CDCA5: variants seen among roughly 807,000 people sequenced by gnomAD.
CDCA5 encodes the protein cell division cycle associated 5, also known as sororin.
Under a neutral mutation model 25.7 loss-of-function variants are expected in CDCA5, and 14 were observed. The observed-to-expected ratio is 0.54, with a 90% confidence interval of 0.36 to 0.85. The LOEUF is 0.85. CDCA5 is among the 40% of genes least tolerant of loss of function. CDCA5 has a pLI of 0.01. For missense variants in CDCA5, 307 were observed against 324.5 expected (o/e 0.95, Z 0.41); for synonymous variants, 127 against 128.7 (o/e 0.99, Z 0.09).
rs1947517841 is a variant in CDCA5, at chr11:65,079,523, C to G, written c.508G>C (p.Gly170Arg). Residue 170 changes from glycine (G) to arginine (R), a missense_variant, in exon 5 of 6, where the codon GGG becomes CGG. Transcript: ENST00000275517. ...GACAAGTCTTCTGCCCCCAGCAGCC[C>G]CTCGAAGCCAAAGCAGGACCGGCGG... ...PGRRSCFGFE[G>R]LLGAEDLSGV... 6.2e-7 allele frequency: 1 copy of G among 1,614,164 alleles called. No homozygotes were observed. Among genetic ancestry groups the G allele is most frequent in the African/African-American group, 1.3e-5 (1 of 75,040 alleles).
At chr11:65,072,886 T>C (rs1184758227), downstream of CDCA5, among the ~76,000 whole-genome samples, 2 of 151,870 alleles carry the variant, frequency 1.3e-5, no homozygotes, top group African/African-American at 2.4e-5. Context: ...ACTTGAAAAT[T>C]GTTCATTGAG....
chr11:65,083,997 A>G lies in CDCA5; in HGVS notation c.-19T>C, dbSNP rs1452076570. Reference sequence around the variant, plus strand: ...CAGACATAACTTAGGCTCCGTCTCGAGCTCCTCCAGCGCCGCCGCCCCGGG... The same window carrying G: ...CAGACATAACTTAGGCTCCGTCTCGGGCTCCTCCAGCGCCGCCGCCCCGGG... On this transcript the variant is annotated 5_prime_UTR_variant, in exon 1 of 6. Coordinates refer to ENST00000275517, the MANE Select transcript of CDCA5 (RefSeq NM_080668.4). 3 of 1,606,272 alleles carry G rather than the reference A, an allele frequency of 1.9e-6. No individual in the cohort carries two copies. Among genetic ancestry groups the G allele is most frequent in the South Asian group, 1.1e-5 (1 of 90,840 alleles).
At chr11:65,072,155 T>A (rs1947353712) in intron 1 of CDCA5, among the ~76,000 whole-genome samples, 1 of 152,300 alleles carries the variant, frequency 6.6e-6, no homozygotes, top group Middle Eastern at 3.4e-3. Flanking sequence ...GTTAGAGAGA[T>A]GGAATTGGCC....
Position 65,078,451 on chromosome 11 carries a change from G to A in CDCA5, c.*656C>T. ...CAGCAGACCAGAACTAGAAAACACA[G>A]CTTCTGTGTAGTACACACTTATGGT... On this transcript the variant is annotated 3_prime_UTR_variant, in exon 6 of 6. Coordinates refer to ENST00000275517, the MANE Select transcript of CDCA5 (RefSeq NM_080668.4). 1 of 985,596 alleles carries A rather than the reference G, an allele frequency of 1.0e-6. No homozygotes were observed. Among genetic ancestry groups the A allele is most frequent in the Non-Finnish European group, 1.2e-6 (1 of 830,002 alleles). The allele number at this position is 985,596 out of a possible 1,614,324, so 61.1% of individuals were successfully genotyped here.
chr11:65,080,999 G>A (rs1947553430), intron 4 of CDCA5, among the ~76,000 whole-genome samples: 1 of 152,164 alleles, frequency 6.6e-6, no homozygotes, highest in Non-Finnish European at 1.5e-5. Context: ...GTGACTCATG[G>A]CCAAGTTCTA....
At chr11:65,073,088 G>A (rs1401653838), downstream of CDCA5, among the ~76,000 whole-genome samples, 1 of 151,588 alleles carries the variant, frequency 6.6e-6, no homozygotes, top group Non-Finnish European at 1.5e-5. Flanking sequence ...GGGATTACAG[G>A]TGCCCGCCAC....
chr11:65,082,147 C>T (rs1178522860), intron 4 of CDCA5, among the ~76,000 whole-genome samples: 5 of 152,140 alleles, frequency 3.3e-5, no homozygotes, highest in Non-Finnish European at 7.4e-5. Flanking sequence ...GTCTTGGAGC[C>T]CCAGGGTAGC....
At chr11:65,081,961 A>T (rs1314643342) in intron 4 of CDCA5, among the ~76,000 whole-genome samples, 2 of 152,200 alleles carry the variant, frequency 1.3e-5, no homozygotes, top group Non-Finnish European at 2.9e-5. Flanking sequence ...TATCTTTAGA[A>T]CTGGTAAGGC....
chr11:65,064,093 G>A (rs1479336911), downstream of CDCA5, among the ~76,000 whole-genome samples: 7 of 152,060 alleles, frequency 4.6e-5, no homozygotes, highest in African/African-American at 2.4e-5. Context: ...AACCTTATTC[G>A]AGCGCTGTCC....
intron 1 of CDCA5, among the ~76,000 whole-genome samples, chr11:65,070,391 G>C (rs955451073): frequency 1.3e-5 from 2 of 152,206 alleles, no homozygotes; most frequent in Non-Finnish European, 2.9e-5. Flanking sequence ...CGGTGGTATG[G>C]GCTGGGTACC....
chr11:65,073,578 G>C (rs1947382771), downstream of CDCA5, among the ~76,000 whole-genome samples: 1 of 152,222 alleles, frequency 6.6e-6, no homozygotes, highest in Admixed American at 6.5e-5. Flanking sequence ...GCAGCTCGCA[G>C]CCTGCGGTGG....
downstream of CDCA5, among the ~76,000 whole-genome samples, chr11:65,072,935 A>ATTTTTTTTTTTTTTTTTTTTTT (rs1242662667): frequency 7.9e-6 from 1 of 127,156 alleles, no homozygotes; most frequent in African/African-American, 3.0e-5. Flanking sequence ...GTATTATTTC[A>ATTTTTTTTTTTTTTTTTTTTTT]TTCTTTTTTT....
In CDCA5 at chr11:65,078,070, A is replaced by G. The variant is rs1947481773; in HGVS notation, c.*1037T>C. On this transcript the variant is annotated 3_prime_UTR_variant, in exon 6 of 6. Coordinates refer to ENST00000275517, the MANE Select transcript of CDCA5 (RefSeq NM_080668.4). ...TCTCATGTGAGAGGATAGGGAGGCC[A>G]AAAACTAAAATTGCTATCAGCCCCC... 3 of 985,456 alleles carry G rather than the reference A, an allele frequency of 3.0e-6. No homozygotes were observed. The highest frequency in any genetic ancestry group is 9.4e-5 in the South Asian group (2 of 21,290). The allele number at this position is 985,456 out of a possible 1,614,324, so 61.0% of individuals were successfully genotyped here.
chr11:65,070,299 T>A (rs529943509), intron 1 of CDCA5, among the ~76,000 whole-genome samples: 1 of 152,312 alleles, frequency 6.6e-6, no homozygotes, highest in East Asian at 1.9e-4. Context: ...CACCAACTGC[T>A]GCATGTGACA....
intron 1 of CDCA5, among the ~76,000 whole-genome samples, chr11:65,070,859 T>C (rs1054793800): frequency 1.3e-5 from 2 of 152,168 alleles, no homozygotes; most frequent in Non-Finnish European, 2.9e-5. Context: ...TTTGGAATAT[T>C]AGCATTATCT....
At chr11:65,070,021 C>T (rs1321526519) in intron 1 of CDCA5, among the ~76,000 whole-genome samples, 2 of 152,192 alleles carry the variant, frequency 1.3e-5, no homozygotes, top group African/African-American at 4.8e-5. Context: ...TTCGGAGCTC[C>T]AGAGAGACTG....
rs557931801 is a variant in CDCA5, at chr11:65,084,029, C to T, written c.-51G>A. On this transcript the variant is annotated 5_prime_UTR_variant, in exon 1 of 6. Transcript: ENST00000275517. The stretch of plus-strand genomic sequence containing the variant: ...CCAGCGCCGCCGCCCCGGGCGCGCG[C>T]CAACCGGGAAGGCCACTCGCTGCAA... 6 of 1,579,706 alleles carry T rather than the reference C, an allele frequency of 3.8e-6. No homozygotes were observed. The African/African-American group carries it at 8.2e-5, about 21-fold the overall frequency.
chr11:65,066,874 C>T (rs1239136752), exon 5 of CDCA5: 58 of 1,289,194 alleles, frequency 4.5e-5, no homozygotes, highest in East Asian at 5.5e-5. Context: ...CAGTGACTCC[C>T]GAAGCCTAGG....
At chr11:65,075,193 TAG>T (rs1947420160), downstream of CDCA5, among the ~76,000 whole-genome samples, 1 of 151,476 alleles carries the variant, frequency 6.6e-6, no homozygotes, top group Non-Finnish European at 1.5e-5. Flanking sequence ...GGTCAGAAAT[TAG>T]AGACCAGCTT....
Sources: gnomAD v4.1 joint callset for allele counts (sites outside exome capture counted in the v4.1 genomes callset) on GRCh38, gnomAD v4.1.1 for gene constraint, MANE v1.5 for transcripts, NCBI Gene and HGNC (gene_info 2026-07-23, HGNC 2026-07-21) for gene names.